Variants in DOK6 observed in about 807,000 individuals in gnomAD.
DOK6 encodes the protein downstream of tyrosine kinase 6.
A neutral mutation model predicts 44.0 loss-of-function variants in DOK6; 22 were observed. That is an observed-to-expected ratio of 0.50 (90% confidence interval 0.36 to 0.71). The LOEUF is 0.71. Among genes scored for constraint, DOK6 ranks in the 30% least tolerant of loss-of-function variants. The pLI is 0.00. For missense variants in DOK6, 340 were observed against 416.4 expected (o/e 0.82, Z 1.60); for synonymous variants, 166 against 145.5 (o/e 1.14, Z -1.01).
intron 1 of DOK6, among the ~76,000 whole-genome samples, chr18:69,403,395 G>C (rs1202746970): frequency 6.6e-6 from 1 of 152,162 alleles, no homozygotes; most frequent in African/African-American, 2.4e-5. Flanking sequence ...ATGTCATCTT[G>C]AACGCCATTT....
chr18:69,725,460 A>C (rs2144726949), intron 5 of DOK6, among the ~76,000 whole-genome samples: 1 of 152,300 alleles, frequency 6.6e-6, no homozygotes, highest in African/African-American at 2.4e-5. Flanking sequence ...TCACCTAAAA[A>C]GTGTGTTCAT....
At chr18:69,577,706 T>C (rs1335340279) in intron 2 of DOK6, among the ~76,000 whole-genome samples, 1 of 152,158 alleles carries the variant, frequency 6.6e-6, no homozygotes, top group Admixed American at 6.5e-5. Context: ...TGGTTATGAA[T>C]GGAAAACTCG....
At position 69,653,380 on chromosome 18, in the gene DOK6, A is replaced by G. The variant is rs148521900; in HGVS notation, c.290-24354A>G. Among the ~76,000 whole-genome samples, 947 of 151,718 alleles carry G rather than the reference A, an allele frequency of 6.2e-3. 10 individuals carry two copies. The highest frequency in any genetic ancestry group is 0.021 in the African/African-American group (886 of 41,354). On this transcript the variant is annotated intron_variant, in intron 3 of 7. Coordinates refer to ENST00000382713, the MANE Select transcript of DOK6 (RefSeq NM_152721.6). ...AGGACTTGGGGAGCTGAGGTCCCGGAGAAAAGGAAACACAGAGAACTGAGC... is the reference window on the plus strand; with the variant it reads ...AGGACTTGGGGAGCTGAGGTCCCGGGGAAAAGGAAACACAGAGAACTGAGC...
At chr18:69,582,869 G>C (rs1277286601) in intron 2 of DOK6, among the ~76,000 whole-genome samples, 1 of 151,510 alleles carries the variant, frequency 6.6e-6, no homozygotes, top group Non-Finnish European at 1.5e-5. Context: ...AGATCCATTC[G>C]CATTTCTATG....
chr18:69,437,823 C>T (rs1173751712), intron 1 of DOK6, among the ~76,000 whole-genome samples: 1 of 152,076 alleles, frequency 6.6e-6, no homozygotes, highest in East Asian at 1.9e-4. Flanking sequence ...AGTTCTAGAC[C>T]ACCACAGTAA....
intron 3 of DOK6, among the ~76,000 whole-genome samples, chr18:69,676,670 G>C (rs1331073678): frequency 6.6e-6 from 1 of 152,198 alleles, no homozygotes; most frequent in Non-Finnish European, 1.5e-5. Context: ...AGTGATATTG[G>C]AGCTTGGCCT....
intron 1 of DOK6, among the ~76,000 whole-genome samples, chr18:69,418,957 G>A (rs1284914884): frequency 1.3e-5 from 2 of 152,036 alleles, no homozygotes; most frequent in Non-Finnish European, 2.9e-5. Context: ...TCTCTCTTTT[G>A]AATTGGGGAA....
At position 69,705,361 on chromosome 18, in the gene DOK6, T is replaced by TTTTTG. The variant is rs533579913; in HGVS notation, c.599+6788_599+6792dup. Among the ~76,000 whole-genome samples, 561 of 152,302 alleles carry TTTTTG rather than the reference T, an allele frequency of 3.7e-3. 6 individuals are homozygous for TTTTTG. Among genetic ancestry groups the TTTTTG allele is most frequent in the African/African-American group, 0.013 (542 of 41,550 alleles). The stretch of plus-strand genomic sequence containing the variant: ...ACCAAGGAAGTGTTTTCTTGGTTTG[T>TTTTTG]TTTTGTTTTGTTTTGTTTTGTTTTT... On this transcript the variant is annotated intron_variant, in intron 5 of 7. Transcript: ENST00000382713.
intron 2 of DOK6, among the ~76,000 whole-genome samples, chr18:69,592,237 CTT>C (rs922865517): frequency 1.6e-5 from 2 of 127,950 alleles, no homozygotes. Context: ...TTTCTTTTTT[CTT>C]TTTTTTTTTT....
intron 1 of DOK6, among the ~76,000 whole-genome samples, chr18:69,446,435 T>C (rs561134420): frequency 7.4e-4 from 112 of 152,154 alleles, no homozygotes; most frequent in Non-Finnish European, 9.4e-4. Context: ...ATGTGCCACA[T>C]TTTCTTAATC....
At chr18:69,839,478 C>G (rs952205966) in intron 7 of DOK6, among the ~76,000 whole-genome samples, 1 of 152,098 alleles carries the variant, frequency 6.6e-6, no homozygotes, top group Non-Finnish European at 1.5e-5. Flanking sequence ...ACTACCTTAA[C>G]CCATCCTTTA....
chr18:69,766,180 C>CA (rs1429646940), intron 7 of DOK6, among the ~76,000 whole-genome samples: 2 of 152,178 alleles, frequency 1.3e-5, no homozygotes, highest in African/African-American at 4.8e-5. Context: ...AAATACCGCA[C>CA]ATTCTCACTC....
intron 7 of DOK6, among the ~76,000 whole-genome samples, chr18:69,818,838 C>T (rs1318291289): frequency 6.6e-6 from 1 of 152,172 alleles, no homozygotes; most frequent in Non-Finnish European, 1.5e-5. Context: ...ACGAGAAAAG[C>T]CACAGTCATA....
chr18:69,516,920 G>T (rs1981543235), intron 1 of DOK6, among the ~76,000 whole-genome samples: 2 of 150,734 alleles, frequency 1.3e-5, no homozygotes, highest in South Asian at 4.2e-4. Flanking sequence ...AGTCTTAAGT[G>T]ATCAACTTGC....
intron 1 of DOK6, among the ~76,000 whole-genome samples, chr18:69,558,332 A>C (rs751016582): frequency 2.6e-5 from 4 of 152,092 alleles, no homozygotes; most frequent in African/African-American, 4.8e-5. Flanking sequence ...CTCATGCTTA[A>C]TTTGATTTTA....
chr18:69,495,653 C>G (rs1980862494), intron 1 of DOK6, among the ~76,000 whole-genome samples: 1 of 152,206 alleles, frequency 6.6e-6, no homozygotes, highest in Non-Finnish European at 1.5e-5. Context: ...CTGCCTGCAG[C>G]CTTCAGGCCC....
chr18:69,806,091 T>C (rs1020202963), intron 7 of DOK6, among the ~76,000 whole-genome samples: 2 of 151,952 alleles, frequency 1.3e-5, no homozygotes, highest in African/African-American at 2.4e-5. Flanking sequence ...GAAATTTTTA[T>C]TGTACCCATT....
intron 1 of DOK6, among the ~76,000 whole-genome samples, chr18:69,460,362 G>A (rs1599141812): frequency 6.6e-6 from 1 of 152,024 alleles, no homozygotes; most frequent in Non-Finnish European, 1.5e-5. Context: ...ACATTGACAT[G>A]ATGCAATAAC....
intron 2 of DOK6, among the ~76,000 whole-genome samples, chr18:69,575,835 A>G (rs771697603): frequency 2.6e-5 from 4 of 152,248 alleles, no homozygotes; most frequent in Non-Finnish European, 4.4e-5. Context: ...ATTGGAGGCC[A>G]TGGGTGTTTC....
Sources: gnomAD v4.1 joint callset for allele counts (sites outside exome capture counted in the v4.1 genomes callset) on GRCh38, gnomAD v4.1.1 for gene constraint, MANE v1.5 for transcripts, NCBI Gene and HGNC (gene_info 2026-07-23, HGNC 2026-07-21) for gene names.